Variants in PIKFYVE observed in about 807,000 individuals in gnomAD.
PIKFYVE encodes phosphoinositide kinase, FYVE-type zinc finger containing.
In PIKFYVE, 122 loss-of-function variants were observed where a neutral mutation model predicts 257.9. That is an observed-to-expected ratio of 0.47 (90% CI 0.41 to 0.55). The LOEUF is 0.55. Ranked by LOEUF, PIKFYVE falls within the 20% of genes least tolerant of loss-of-function variation. The pLI is 0.00. For synonymous variants in PIKFYVE, 892 were observed against 868.9 expected, an observed-to-expected ratio of 1.03 and a Z score of -0.47; for missense variants, 2,160 against 2,536.6, an observed-to-expected ratio of 0.85 and a Z score of 3.19.
At chr2:208,324,421 T>G (rs1023131810) in intron 18 of PIKFYVE, 139 bp downstream of exon 18, 5 of 866,352 alleles carry the variant, frequency 5.8e-6, no homozygotes, top group Non-Finnish European at 8.9e-6. Context: ...ATATGGCACC[T>G]ATTTCATTAA....
At chr2:208,293,439 C>T (rs1166480822) in intron 7 of PIKFYVE, among the ~76,000 whole-genome samples, 3 of 152,088 alleles carry the variant, frequency 2.0e-5, no homozygotes, top group Non-Finnish European at 4.4e-5. Context: ...CTTCTCTCTG[C>T]CTTTTCAGCA....
intron 35 of PIKFYVE, among the ~76,000 whole-genome samples, chr2:208,348,494 A>G (rs1699444367): frequency 6.6e-6 from 1 of 152,014 alleles, no homozygotes; most frequent in Non-Finnish European, 1.5e-5. Context: ...CATGTCTATA[A>G]TCCCATCACT....
chr2:208,325,291 T>G lies in PIKFYVE; in HGVS notation c.2480T>G (p.Phe827Cys), dbSNP rs1321179300. The change falls in exon 20 of 42, where the codon TTT (phenylalanine) becomes TGT (cysteine). Residue 827 changes from phenylalanine (F) to cysteine (C), a missense_variant. By Grantham distance (205) the Phe-to-Cys change is radical (BLOSUM62 -2). Coordinates refer to ENST00000264380, the MANE Select transcript of PIKFYVE (RefSeq NM_015040.4). ...GTAGAACAAACCAAGACACTGATGT[T>G]TTTTGAAGGTTGTCCACAGCACCTA... The part of the protein sequence containing the change: ...LPNEQTKTLM[F>C]FEGCPQHLGC... 3 of 1,613,938 alleles carry G rather than the reference T, an allele frequency of 1.9e-6. No individual in the cohort carries two copies. In the African/African-American group the frequency reaches 4.0e-5, roughly 22 times the overall value.
intron 12 of PIKFYVE, 103 bp from the exon 13 acceptor site, chr2:208,312,133 A>G: frequency 1.2e-6 from 1 of 868,194 alleles, no homozygotes; most frequent in Non-Finnish European, 1.9e-6. Flanking sequence ...TAGTATGAGT[A>G]ATATTTTGTG....
At chr2:208,346,198 G>A (rs1376676052) in intron 34 of PIKFYVE, 51 bp downstream of exon 34, 1 of 1,444,104 alleles carries the variant, frequency 6.9e-7, no homozygotes, top group Non-Finnish European at 9.7e-7. Context: ...CTATAATTAT[G>A]GTTTGAAAAA....
At chr2:208,301,598 A>G (rs1279491211) in intron 9 of PIKFYVE, among the ~76,000 whole-genome samples, 1 of 152,246 alleles carries the variant, frequency 6.6e-6, no homozygotes, top group African/African-American at 2.4e-5. Flanking sequence ...AGAAAAAGGT[A>G]CGTAATGAAG....
In PIKFYVE at chr2:208,317,853, A is replaced by G. The variant is rs879377563; in HGVS notation, c.2008-14A>G. The G allele has an allele frequency of 3.1e-6, 5 of 1,599,916 alleles. No individual in the cohort carries two copies. In the Admixed American group the frequency reaches 6.7e-5, roughly 21 times the overall value. ...TATCATTGAATTTTATTGTTTTCTT[A>G]ATTGTTCCATTAGATCCCAGGTGGA... On this transcript the variant is annotated splice_polypyrimidine_tract_variant and intron_variant, in intron 15 of 41. Transcript: ENST00000264380.
At position 208,350,788 on chromosome 2, in the gene PIKFYVE, G is replaced by A. The variant is rs776696942; in HGVS notation, c.5452G>A (p.Ala1818Thr). The A allele has an allele frequency of 3.1e-6, 5 of 1,614,032 alleles. No individual in the cohort carries two copies. The Admixed American group carries it at 8.3e-5, about 27-fold the overall frequency. Reference protein sequence around the residue: ...HVELQFSDANAKFYCRLYYAG... With the variant: ...HVELQFSDANTKFYCRLYYAG... ...GTTTATAGAATTTTCAGATGCTAATGCCAAGTTTTACTGTCGGCTCTACTA... is the reference window on the plus strand; with the variant it reads ...GTTTATAGAATTTTCAGATGCTAATACCAAGTTTTACTGTCGGCTCTACTA... The change falls in exon 37 of 42, where the codon GCC becomes ACC. Residue 1818 changes from alanine to threonine, a missense_variant. By Grantham distance (58) the Ala-to-Thr change is moderately conservative. Transcript: ENST00000264380.
intron 9 of PIKFYVE, 117 bp downstream of exon 9, chr2:208,301,211 T>A: frequency 7.7e-7 from 1 of 1,298,586 alleles, no homozygotes; most frequent in Non-Finnish European, 1.1e-6. Flanking sequence ...TTGTTTTATG[T>A]AATTGATGGT....
intron 10 of PIKFYVE, among the ~76,000 whole-genome samples, chr2:208,303,294 C>CAT (rs769486780): frequency 0.016 from 2,386 of 150,748 alleles, 28 homozygotes; most frequent in Admixed American, 0.028. Flanking sequence ...GGCACACACA[C>CAT]ACACACATAT....
chr2:208,335,191 T>A (rs1216171903), intron 24 of PIKFYVE, 115 bp from the exon 25 acceptor site: 1 of 746,976 alleles, frequency 1.3e-6, no homozygotes, highest in African/African-American at 1.8e-5. Flanking sequence ...AATACGATTT[T>A]ATAGAAACTT....
chr2:208,308,070 A>G lies in PIKFYVE; in HGVS notation c.1636+3057A>G, dbSNP rs547769415. ...ATTTGAAATGATAGATATGTTTATTAAACCAAACTAATGAACATATTCATC... is the reference window on the plus strand; with the variant it reads ...ATTTGAAATGATAGATATGTTTATTGAACCAAACTAATGAACATATTCATC... On this transcript the variant is annotated intron_variant, in intron 12 of 41. Transcript: ENST00000264380. 3.3e-5 allele frequency among the ~76,000 whole-genome samples: 5 copies of G among 152,370 alleles called. No homozygotes were observed. In the South Asian group the frequency reaches 1.0e-3, roughly 32 times the overall value.
At chr2:208,322,251 T>G (rs1164331487) in intron 17 of PIKFYVE, among the ~76,000 whole-genome samples, 1 of 151,844 alleles carries the variant, frequency 6.6e-6, no homozygotes, top group African/African-American at 2.4e-5. Context: ...CATGGTGATG[T>G]GTGCCTGTAG....
intron 7 of PIKFYVE, 93 bp from the exon 8 acceptor site, chr2:208,298,548 A>G: frequency 2.1e-6 from 3 of 1,428,370 alleles, no homozygotes. Flanking sequence ...ACATTGGTAA[A>G]TAAGCATTTA....
chr2:208,333,788 C>T (rs554245707), intron 24 of PIKFYVE, among the ~76,000 whole-genome samples: 64 of 152,210 alleles, frequency 4.2e-4, no homozygotes, highest in African/African-American at 1.5e-3. Flanking sequence ...CAGCCTCACT[C>T]TTTTTTTAAA....
intron 7 of PIKFYVE, among the ~76,000 whole-genome samples, chr2:208,293,160 A>G (rs1001025239): frequency 4.0e-5 from 6 of 150,718 alleles, no homozygotes; most frequent in African/African-American, 1.2e-4. Context: ...AAATAATACT[A>G]TACTACTTCA....
intron 17 of PIKFYVE, 61 bp from the exon 18 acceptor site, chr2:208,324,081 T>C (rs1696630891): frequency 1.9e-6 from 3 of 1,578,186 alleles, no homozygotes; most frequent in African/African-American, 1.3e-5. Context: ...TCTGATGATA[T>C]TTTAATATGT....
Position 208,357,160 on chromosome 2 carries a change from T to C in PIKFYVE, c.*1855T>C, listed in dbSNP as rs1700204297. The C allele has an allele frequency of 6.6e-6, 1 of 152,232 alleles. No individual in the cohort carries two copies. The highest frequency in any genetic ancestry group is 6.5e-5 in the Admixed American group (1 of 15,282). The allele number at this position is 152,232 out of a possible 1,614,324, so 9.4% of individuals were successfully genotyped here. Reference sequence around the variant, plus strand: ...TTTTAGTTTTGAAATCAAAGACTATTAAAGGAGCTGTACAGAGGTAAAAAA... The same window carrying C: ...TTTTAGTTTTGAAATCAAAGACTATCAAAGGAGCTGTACAGAGGTAAAAAA... On this transcript the variant is annotated 3_prime_UTR_variant, in exon 42 of 42. Transcript: ENST00000264380.
chr2:208,325,156 C>G lies in PIKFYVE; in HGVS notation c.2459-114C>G. 5 of 1,567,512 alleles carry G rather than the reference C, an allele frequency of 3.2e-6. No homozygotes were observed. In the South Asian group the frequency reaches 3.4e-5, roughly 11 times the overall value. ...GTAAGTGAGGATAGGCAACTGTGAT[C>G]TTATTCATGTAAGAGTTTTTCTTTT... On this transcript the variant is annotated intron_variant, in intron 19 of 41. Coordinates refer to ENST00000264380, the MANE Select transcript of PIKFYVE (RefSeq NM_015040.4).
Sources: gnomAD v4.1 joint callset for allele counts (sites outside exome capture counted in the v4.1 genomes callset) on GRCh38, gnomAD v4.1.1 for gene constraint, MANE v1.5 for transcripts, NCBI Gene and HGNC (gene_info 2026-07-23, HGNC 2026-07-21) for gene names.